Variants in ST8SIA2 observed in about 807,000 individuals in gnomAD.
The protein encoded by ST8SIA2 is alpha-2,8-sialyltransferase 8B.
A neutral mutation model predicts 37.6 loss-of-function variants in ST8SIA2; 22 were observed. The ratio of observed to expected loss-of-function variants is 0.58; its 90% CI spans 0.42 to 0.83. The LOEUF is 0.83. Ranked by LOEUF, ST8SIA2 falls within the 40% of genes least tolerant of loss-of-function variation. ST8SIA2 has a pLI of 0.00. For missense variants in ST8SIA2, 382 were observed against 484.7 expected, an observed-to-expected ratio of 0.79 and a Z score of 1.99; for synonymous variants, 205 against 201.2, an observed-to-expected ratio of 1.02 and a Z score of -0.16.
chr15:92,445,507 C>T (rs2049835959), intron 5 of ST8SIA2, among the ~76,000 whole-genome samples: 1 of 152,194 alleles, frequency 6.6e-6, no homozygotes, highest in Non-Finnish European at 1.5e-5. Flanking sequence ...TATTCTCTAA[C>T]TCTACAGAGC....
chr15:92,422,134 CAT>C (rs534228196), intron 1 of ST8SIA2: 3 of 152,184 alleles, frequency 2.0e-5, no homozygotes, highest in Non-Finnish European at 4.4e-5. Flanking sequence ...TTTGCTGACT[CAT>C]ATCCTAGAGA....
At chr15:92,408,680 T>A (rs2049526484) in intron 1 of ST8SIA2, among the ~76,000 whole-genome samples, 2 of 100,570 alleles carry the variant, frequency 2.0e-5, no homozygotes, top group South Asian at 3.7e-4. Context: ...CCATTTTTTT[T>A]ATTTATTTAT....
chr15:92,408,677 TTTTATTTATTTA>T (rs58508323), intron 1 of ST8SIA2, among the ~76,000 whole-genome samples: 12,692 of 123,010 alleles, frequency 0.1, 855 homozygotes, highest in East Asian at 0.38. Context: ...GTTCCATTTT[TTTTATTTATTTA>T]TTTATTTATT....
intron 3 of ST8SIA2, among the ~76,000 whole-genome samples, chr15:92,436,549 A>G (rs753387664): frequency 2.6e-5 from 4 of 152,242 alleles, no homozygotes; most frequent in Non-Finnish European, 5.9e-5. Flanking sequence ...AATTAGTTAG[A>G]AATTAATTCA....
chr15:92,459,144 C>T (rs1008800129), intron 5 of ST8SIA2, among the ~76,000 whole-genome samples: 3 of 152,192 alleles, frequency 2.0e-5, no homozygotes, highest in Admixed American at 6.5e-5. Flanking sequence ...CTGGTCATAA[C>T]ATTGATGGCC....
intron 5 of ST8SIA2, among the ~76,000 whole-genome samples, chr15:92,449,910 A>G (rs2049870065): frequency 6.6e-6 from 1 of 152,124 alleles, no homozygotes; most frequent in Non-Finnish European, 1.5e-5. Flanking sequence ...CCTTTGTCGG[A>G]TGCATAGTTT....
At chr15:92,436,661 T>C (rs1273377332) in intron 3 of ST8SIA2, among the ~76,000 whole-genome samples, 1 of 152,160 alleles carries the variant, frequency 6.6e-6, no homozygotes, top group Non-Finnish European at 1.5e-5. Flanking sequence ...CCAACTATAT[T>C]AGTTTGTCAA....
intron 5 of ST8SIA2, among the ~76,000 whole-genome samples, chr15:92,457,893 C>A (rs1017053703): frequency 6.6e-6 from 1 of 152,188 alleles, no homozygotes; most frequent in Non-Finnish European, 1.5e-5. Context: ...AACACCTTTT[C>A]CAGTTAGCAA....
intron 4 of ST8SIA2, 101 bp from the exon 5 acceptor site, chr15:92,444,535 G>T (rs1476909449): frequency 1.4e-6 from 2 of 1,454,504 alleles, no homozygotes; most frequent in African/African-American, 2.8e-5. Flanking sequence ...TTTGTTTGGG[G>T]ATGAGAAAGA....
At chr15:92,396,742 G>C (rs559575131) in intron 1 of ST8SIA2, among the ~76,000 whole-genome samples, 5 of 152,146 alleles carry the variant, frequency 3.3e-5, no homozygotes, top group African/African-American at 1.2e-4. Flanking sequence ...GCCCACCTCA[G>C]CCTCCCAAAG....
chr15:92,463,008 T>C (rs2049967890), intron 5 of ST8SIA2, among the ~76,000 whole-genome samples: 1 of 152,344 alleles, frequency 6.6e-6, no homozygotes, highest in Non-Finnish European at 1.5e-5. Flanking sequence ...ATCTTGGAGA[T>C]CACCTAGACT....
At chr15:92,396,476 T>G (rs936882241) in intron 1 of ST8SIA2, among the ~76,000 whole-genome samples, 7 of 151,952 alleles carry the variant, frequency 4.6e-5, no homozygotes, top group Non-Finnish European at 1.0e-4. Context: ...TTTTGTTTTT[T>G]TTTTTGTCTT....
intron 5 of ST8SIA2, among the ~76,000 whole-genome samples, chr15:92,459,700 G>A (rs1421037453): frequency 6.6e-6 from 1 of 152,140 alleles, no homozygotes; most frequent in Non-Finnish European, 1.5e-5. Flanking sequence ...CCCAGGTCAA[G>A]CGATTCTCCT....
intron 5 of ST8SIA2, among the ~76,000 whole-genome samples, chr15:92,446,251 T>C (rs2049841934): frequency 6.6e-6 from 1 of 152,196 alleles, no homozygotes; most frequent in Admixed American, 6.5e-5. Context: ...CCAAATGATC[T>C]CTCCGCATGG....
Position 92,465,351 on chromosome 15 carries a change from G to A in ST8SIA2, c.*966G>A, listed in dbSNP as rs1201216572. 1 of 152,196 alleles carries A rather than the reference G, an allele frequency of 6.6e-6. No individual in the cohort carries two copies. Among genetic ancestry groups the A allele is most frequent in the Non-Finnish European group, 1.5e-5 (1 of 68,048 alleles). The allele number at this position is 152,196 out of a possible 1,614,324, so 9.4% of individuals were successfully genotyped here. A position where few individuals can be genotyped will look rare whatever the true frequency, so the allele number is the denominator to read the frequency against. Reference sequence around the variant, plus strand: ...CACGAGGGACTGTACTGTCCCCTCTGTCACCAGGGAAGCCACAATGAGAGC... The same window carrying A: ...CACGAGGGACTGTACTGTCCCCTCTATCACCAGGGAAGCCACAATGAGAGC... On this transcript the variant is annotated 3_prime_UTR_variant, in exon 6 of 6. Coordinates refer to ENST00000268164, the MANE Select transcript of ST8SIA2 (RefSeq NM_006011.4).
chr15:92,432,202 G>T (rs567517177), intron 2 of ST8SIA2, among the ~76,000 whole-genome samples: 2 of 152,270 alleles, frequency 1.3e-5, no homozygotes, highest in Admixed American at 1.3e-4. Flanking sequence ...CTCTTAGTGC[G>T]ATAACTCCTC....
intron 1 of ST8SIA2, among the ~76,000 whole-genome samples, chr15:92,419,926 C>G (rs1436419376): frequency 6.6e-6 from 1 of 152,152 alleles, no homozygotes. Context: ...AGTGCAGTGG[C>G]GCGATCTCGG....
intron 5 of ST8SIA2, among the ~76,000 whole-genome samples, chr15:92,453,222 C>T (rs767663952): frequency 3.9e-5 from 6 of 152,174 alleles, no homozygotes; most frequent in South Asian, 2.1e-4. Context: ...TATGTGCTGA[C>T]CATTGACACC....
At position 92,451,353 on chromosome 15, in the gene ST8SIA2, T is replaced by G. The variant is rs1348362763; in HGVS notation, c.842+6424T>G. Among the ~76,000 whole-genome samples, 9 of 152,270 alleles carry G rather than the reference T, an allele frequency of 5.9e-5. 1 individual carries two copies. The highest frequency in any genetic ancestry group is 3.4e-3 in the Middle Eastern group (1 of 294). On this transcript the variant is annotated intron_variant, in intron 5 of 5. Coordinates refer to ENST00000268164, the MANE Select transcript of ST8SIA2 (RefSeq NM_006011.4). ...GCATCAAGGCTACACGTGCACACAC[T>G]GCAGTTGTTCAGAGCCTGGGGCAGC...
Sources: gnomAD v4.1 joint callset for allele counts (sites outside exome capture counted in the v4.1 genomes callset) on GRCh38, gnomAD v4.1.1 for gene constraint, MANE v1.5 for transcripts, NCBI Gene and HGNC (gene_info 2026-07-23, HGNC 2026-07-21) for gene names.